Variants in GLE1 observed in about 807,000 individuals in gnomAD.
The protein encoded by GLE1 is GLE1 RNA export mediator.
GLE1 carries 78 observed loss-of-function variants against 97.3 expected under a neutral mutation model. The ratio of observed to expected loss-of-function variants is 0.80; its 90% confidence interval spans 0.67 to 0.97. GLE1 has a LOEUF of 0.97. Among genes scored for constraint, GLE1 ranks in the 50% least tolerant of loss-of-function variants. GLE1 has a pLI of 0.00. For synonymous variants in GLE1, 302 were observed against 313.4 expected, an observed-to-expected ratio of 0.96 and a Z score of 0.39; for missense variants, 753 against 857.5, an observed-to-expected ratio of 0.88 and a Z score of 1.52.
At position 128,523,590 on chromosome 9, in the gene GLE1, A is replaced by T; in HGVS notation, c.643-2A>T. The T allele has an allele frequency of 6.2e-7, 1 of 1,614,074 alleles. No homozygotes were observed. Among genetic ancestry groups the T allele is most frequent in the African/African-American group, 1.3e-5 (1 of 75,032 alleles). On this transcript the variant is annotated splice_acceptor_variant, in intron 5 of 15. Coordinates refer to ENST00000309971, the MANE Select transcript of GLE1 (RefSeq NM_001003722.2). LOFTEE classifies it high-confidence loss of function. ...GAGAAGTCACTCAGCCCTTTTCTAC[A>T]GATTCTCAACCTGAAGCTGCGGGAA...
At chr9:128,513,860 C>CA (rs913920195) in intron 2 of GLE1, among the ~76,000 whole-genome samples, 35 of 151,186 alleles carry the variant, frequency 2.3e-4, no homozygotes, top group Middle Eastern at 6.8e-3. Context: ...ACTAAAAATA[C>CA]AAAAAAAATT....
intron 12 of GLE1, 71 bp downstream of exon 12, chr9:128,536,555 A>T: frequency 5.1e-6 from 7 of 1,382,042 alleles, no homozygotes; most frequent in Non-Finnish European, 7.2e-6. Flanking sequence ...TCCCACAGGA[A>T]ATGTTGGCCT....
At chr9:128,540,145 G>GT (rs1847842401) in intron 14 of GLE1, 130 bp from the exon 15 acceptor site, 1 of 736,378 alleles carries the variant, frequency 1.4e-6, no homozygotes, top group Non-Finnish European at 2.5e-6. Context: ...GAGCCCAAGA[G>GT]TTCAAGGCCT....
intron 7 of GLE1, among the ~76,000 whole-genome samples, chr9:128,526,728 GGTATGATTATGGCTCACTA>G (rs1847310478): frequency 6.6e-6 from 1 of 151,862 alleles, no homozygotes; most frequent in Non-Finnish European, 1.5e-5. Context: ...GGAGTACAGT[GGTATGATTATGGCTCACTA>G]TAGCCTCACC....
At chr9:128,522,633 C>G in intron 3 of GLE1, 35 bp from the exon 4 acceptor site, 2 of 1,175,908 alleles carry the variant, frequency 1.7e-6, no homozygotes, top group Non-Finnish European at 2.3e-6. Context: ...GAGATTCCAT[C>G]TTAAAAAAAA....
chr9:128,539,477 CTT>C (rs1429417320), intron 13 of GLE1, 137 bp from the exon 14 acceptor site: 5 of 726,412 alleles, frequency 6.9e-6, no homozygotes, highest in Non-Finnish European at 9.9e-6. Flanking sequence ...CATTTATTCC[CTT>C]GTTAGCAAGT....
In GLE1 at chr9:128,523,814, C is replaced by T. The variant is rs142336805; in HGVS notation, c.865C>T (p.Leu289Phe). 1.2e-6 allele frequency: 2 copies of T among 1,613,928 alleles called. No individual in the cohort carries two copies. Among genetic ancestry groups the T allele is most frequent in the South Asian group, 1.1e-5 (1 of 91,082 alleles). The change falls in exon 6 of 16, where the codon CTC (leucine) becomes TTC (phenylalanine). Residue 289 changes from leucine (L) to phenylalanine (F), a missense_variant. Transcript: ENST00000309971. ...GACCCGAGGCAACCAGCTGTGCAGCCTCATCTCAGGGATCATCCGGGCCTC... is the reference window on the plus strand; with the variant it reads ...GACCCGAGGCAACCAGCTGTGCAGCTTCATCTCAGGGATCATCCGGGCCTC... ...FQTRGNQLCS[L>F]ISGIIRASSE...
chr9:128,517,702 G>A lies in GLE1; in HGVS notation c.432+2063G>A, dbSNP rs910247924. ...CTATTCTTTCTTTCATTTTCCTTTT[G>A]TCTTATTGTTTTGTTTTCTAGAAGA... On this transcript the variant is annotated intron_variant, in intron 3 of 15. Transcript: ENST00000309971. 7.3e-5 allele frequency among the ~76,000 whole-genome samples: 11 copies of A among 151,496 alleles called. No homozygotes were observed. The East Asian group carries it at 1.2e-3, about 16-fold the overall frequency.
chr9:128,520,384 G>A (rs866045133), intron 3 of GLE1, among the ~76,000 whole-genome samples: 3 of 146,456 alleles, frequency 2.0e-5, no homozygotes, highest in South Asian at 2.2e-4. Flanking sequence ...ATATGTATAT[G>A]TGTATATATG....
rs778694188 is a variant in GLE1, at chr9:128,539,664, A to C, written c.1930A>C (p.Met644Leu). The C allele has an allele frequency of 2.5e-6, 4 of 1,611,974 alleles. No homozygotes were observed. ...MKQYQVQFWKMLILIKEDYFP... is the reference protein window; with the variant it reads ...MKQYQVQFWKLLILIKEDYFP... The stretch of plus-strand genomic sequence containing the variant: ...GCAATACCAGGTTCAGTTCTGGAAG[A>C]TGCTAATTCTCATCAAAGAGGACTA... The change falls in exon 14 of 16, where the codon ATG becomes CTG. Residue 644 changes from methionine (M) to leucine (L), a missense_variant. Physicochemically the swap from Met to Leu is conservative, Grantham distance 15. Transcript: ENST00000309971.
rs147947237 is a variant in GLE1 at position 128,535,281 on chromosome 9, G to A, written c.1647-1074G>A. Among the ~76,000 whole-genome samples, 576 of 151,728 alleles carry A rather than the reference G, an allele frequency of 3.8e-3. 1 individual carries two copies. Among genetic ancestry groups the A allele is most frequent in the Non-Finnish European group, 5.9e-3 (398 of 67,908 alleles). On this transcript the variant is annotated intron_variant, in intron 11 of 15. Transcript: ENST00000309971. ...AATCCCAGCACTTTGGGAAGCCAAG[G>A]CCGCCAAAGCGGGCGGATCACCTGA...
chr9:128,527,165 C>T lies in GLE1; in HGVS notation c.1130-14C>T. 1 of 1,432,532 alleles carries T rather than the reference C, an allele frequency of 7.0e-7. No homozygotes were observed. The highest frequency in any genetic ancestry group is 9.9e-7 in the Non-Finnish European group (1 of 1,014,266). The allele number at this position is 1,432,532 out of a possible 1,614,324, so 88.7% of individuals were successfully genotyped here. ...AATACTAGCTATTACTAAAACCTCTCTTTTATTTCTCAGACCTCCAGGTGA... is the reference window on the plus strand; with the variant it reads ...AATACTAGCTATTACTAAAACCTCTTTTTTATTTCTCAGACCTCCAGGTGA... On this transcript the variant is annotated splice_polypyrimidine_tract_variant and intron_variant, in intron 7 of 15. Coordinates refer to ENST00000309971, the MANE Select transcript of GLE1 (RefSeq NM_001003722.2).
At position 128,523,727 on chromosome 9, in the gene GLE1, C is replaced by T; in HGVS notation, c.778C>T (p.Gln260Ter). The change falls in exon 6 of 16, where the codon CAG becomes TAG. Residue 260 changes from glutamine (Q) to a stop codon, truncating the protein, a stop_gained. Coordinates refer to ENST00000309971, the MANE Select transcript of GLE1 (RefSeq NM_001003722.2). LOFTEE classifies it high-confidence loss of function. The part of the protein sequence containing the change: ...ALQEEMLQLS[Q>*]QLDASEQHKA... The stretch of plus-strand genomic sequence containing the variant: ...GCAGGAGGAGATGCTGCAGCTCAGC[C>T]AGCAGCTGGATGCCTCTGAGCAGCA... The T allele has an allele frequency of 6.2e-7, 1 of 1,614,116 alleles. No homozygotes were observed. Among genetic ancestry groups the T allele is most frequent in the Non-Finnish European group, 8.5e-7 (1 of 1,180,010 alleles).
chr9:128,511,447 C>T (rs1367220071), intron 2 of GLE1, among the ~76,000 whole-genome samples: 1 of 151,740 alleles, frequency 6.6e-6, no homozygotes, highest in African/African-American at 2.4e-5. Context: ...GTGGCTCACG[C>T]CTGTAATCCC....
At chr9:128,525,464 T>C (rs1481583760) in intron 7 of GLE1, 41 bp downstream of exon 7, 1 of 1,221,870 alleles carries the variant, frequency 8.2e-7, no homozygotes, top group Non-Finnish European at 1.2e-6. Flanking sequence ...CTCGTAAGTT[T>C]CAAATGTGAA....
intron 9 of GLE1, among the ~76,000 whole-genome samples, chr9:128,529,204 C>T (rs1261073728): frequency 2.0e-5 from 3 of 152,220 alleles, no homozygotes; most frequent in Admixed American, 2.0e-4. Context: ...CCACTCCACA[C>T]CTCGATGGCC....
At chr9:128,509,719 A>C (rs573776428) in intron 2 of GLE1, among the ~76,000 whole-genome samples, 1 of 151,932 alleles carries the variant, frequency 6.6e-6, no homozygotes, top group African/African-American at 2.4e-5. Flanking sequence ...AGTGCTTTGG[A>C]AGGCCAAGAC....
chr9:128,519,307 C>G (rs1847072887), intron 3 of GLE1, among the ~76,000 whole-genome samples: 2 of 152,192 alleles, frequency 1.3e-5, no homozygotes, highest in Non-Finnish European at 2.9e-5. Flanking sequence ...CGCCGGTGAG[C>G]TGGGCAGAAC....
chr9:128,513,535 G>A (rs1369612036), intron 2 of GLE1, among the ~76,000 whole-genome samples: 1 of 151,932 alleles, frequency 6.6e-6, no homozygotes, highest in African/African-American at 2.4e-5. Flanking sequence ...TGCGCAACAT[G>A]GGGAAACTCC....
Sources: allele counts gnomAD v4.1 joint callset (sites outside exome capture counted in the v4.1 genomes callset), GRCh38; gene constraint gnomAD v4.1.1; transcripts MANE v1.5; gene names NCBI Gene and HGNC (gene_info 2026-07-23, HGNC 2026-07-21).